Variants in ZYG11A observed in about 807,000 individuals in gnomAD.
The protein encoded by ZYG11A is protein zyg-11 homolog A.
A neutral mutation model predicts 77.2 loss-of-function variants in ZYG11A; 62 were observed. The observed-to-expected ratio is 0.80, with a 90% CI of 0.65 to 0.99. The LOEUF (loss-of-function observed/expected upper bound fraction) is 0.99, where lower values mean the gene tolerates loss of function less well. Ranked by LOEUF, ZYG11A falls within the 50% of genes least tolerant of loss-of-function variation. ZYG11A has a pLI of 0.00. For synonymous variants in ZYG11A, 315 were observed against 324.6 expected (o/e 0.97, Z 0.32); for missense variants, 828 against 896.8 (o/e 0.92, Z 0.98).
chr1:52,874,948 T>C (rs1381738034), intron 8 of ZYG11A, among the ~76,000 whole-genome samples: 1 of 152,256 alleles, frequency 6.6e-6, no homozygotes, highest in Non-Finnish European at 1.5e-5. Flanking sequence ...ACATAGCTTT[T>C]GTATGCAGTG....
chr1:52,884,357 G>A (rs184956441), intron 11 of ZYG11A, among the ~76,000 whole-genome samples: 73 of 152,164 alleles, frequency 4.8e-4, no homozygotes, highest in Admixed American at 1.2e-3. Flanking sequence ...TTAGCTGGGC[G>A]TGGTGGCGGG....
intron 8 of ZYG11A, among the ~76,000 whole-genome samples, chr1:52,868,374 AT>A (rs1482566005): frequency 1.3e-5 from 2 of 152,206 alleles, no homozygotes; most frequent in Non-Finnish European, 2.9e-5. Context: ...TCTCCTACGT[AT>A]CTTTCTACAA....
intron 1 of ZYG11A, among the ~76,000 whole-genome samples, chr1:52,849,972 C>G (rs559497554): frequency 6.6e-6 from 1 of 152,318 alleles, no homozygotes; most frequent in South Asian, 2.1e-4. Flanking sequence ...GCGTGAGCCA[C>G]CACACCTGGC....
intron 8 of ZYG11A, among the ~76,000 whole-genome samples, chr1:52,868,029 C>T (rs1215655345): frequency 8.2e-6 from 1 of 122,178 alleles, no homozygotes; most frequent in Non-Finnish European, 1.6e-5. Flanking sequence ...TGCAGTGGCG[C>T]GATCTCGGCT....
intron 2 of ZYG11A, among the ~76,000 whole-genome samples, chr1:52,856,340 T>G (rs1645809756): frequency 6.6e-6 from 1 of 151,778 alleles, no homozygotes; most frequent in Admixed American, 6.6e-5. Context: ...GTGCAGTGCC[T>G]GTAGTCCCAG....
chr1:52,894,793 T>A lies in ZYG11A; in HGVS notation c.*1836T>A, dbSNP rs192659751. 1 of 152,242 alleles carries A rather than the reference T, an allele frequency of 6.6e-6. No homozygotes were observed. The allele number at this position is 152,242 out of a possible 1,614,324, so 9.4% of individuals were successfully genotyped here. ...TGTATTTTTTCACACTCTTGCATGA[T>A]TCCAAAAGGATATCTTCCTGACCTG... On this transcript the variant is annotated 3_prime_UTR_variant, in exon 14 of 14. Coordinates refer to ENST00000371528, the MANE Select transcript of ZYG11A (RefSeq NM_001004339.3).
At chr1:52,864,434 C>T (rs561938204) in intron 5 of ZYG11A, among the ~76,000 whole-genome samples, 8 of 152,104 alleles carry the variant, frequency 5.3e-5, no homozygotes, top group South Asian at 2.1e-4. Context: ...TTAGTAGAGA[C>T]GGGGTTTCAC....
Position 52,892,947 on chromosome 1 carries a change from T to C in ZYG11A, c.2270T>C (p.Met757Thr). The C allele has an allele frequency of 3.2e-6, 5 of 1,551,768 alleles. No homozygotes were observed. The highest frequency in any genetic ancestry group is 4.4e-6 in the Non-Finnish European group (5 of 1,147,016). ...MNYQRPTLCQ[M>T]PF ...TATCAGAGGCCCACTCTGTGTCAAA[T>C]GCCCTTCTGAACCTAAGGAATTTCA... is the stretch of plus-strand genomic sequence containing the variant. Residue 757 changes from methionine (M) to threonine (T), a missense_variant, in exon 14 of 14, where the codon ATG (methionine) becomes ACG (threonine). By Grantham distance (81) the Met-to-Thr change is moderately conservative (BLOSUM62 -1). Coordinates refer to ENST00000371528, the MANE Select transcript of ZYG11A (RefSeq NM_001004339.3).
intron 11 of ZYG11A, 31 bp from the exon 12 acceptor site, chr1:52,885,802 T>C (rs1329958980): frequency 1.4e-6 from 2 of 1,474,220 alleles, no homozygotes; most frequent in Non-Finnish European, 9.1e-7. Context: ...ATTATTCAAA[T>C]GTTGGTTTCT....
At chr1:52,883,416 G>C (rs1400554299) in intron 11 of ZYG11A, among the ~76,000 whole-genome samples, 1 of 150,736 alleles carries the variant, frequency 6.6e-6, no homozygotes, top group Non-Finnish European at 1.5e-5. Flanking sequence ...GAGCCACCAT[G>C]CCTGGCCAAT....
intron 12 of ZYG11A, 28 bp downstream of exon 12, chr1:52,885,922 CTTT>C: frequency 7.3e-7 from 1 of 1,368,162 alleles, no homozygotes. Flanking sequence ...TGCTTTTCTT[CTTT>C]TTTTTTTCTT....
At chr1:52,861,338 T>C (rs751985270) in intron 4 of ZYG11A, among the ~76,000 whole-genome samples, 8 of 152,214 alleles carry the variant, frequency 5.3e-5, no homozygotes, top group Non-Finnish European at 8.8e-5. Context: ...CTTTTATACA[T>C]GTGTTTATTT....
rs1423186268 is a variant in ZYG11A, at chr1:52,877,734, C to T, written c.1595C>T (p.Thr532Ile). Residue 532 changes from threonine to isoleucine, a missense_variant, in exon 9 of 14, where the codon ACC becomes ATC. Physicochemically the swap from Thr to Ile is moderately conservative, Grantham distance 89. Coordinates refer to ENST00000371528, the MANE Select transcript of ZYG11A (RefSeq NM_001004339.3). ...QKTTENLDDV[T>I]FLFTLKALWN... The stretch of plus-strand genomic sequence containing the variant: ...ACTACTGAGAATTTAGATGATGTCA[C>T]CTTCTTGTTTACTTTGAAAGCACTT... 1.9e-6 allele frequency: 3 copies of T among 1,551,928 alleles called. No individual in the cohort carries two copies. The highest frequency in any genetic ancestry group is 3.9e-5 in the Admixed American group (2 of 50,950).
Position 52,860,814 on chromosome 1 carries a change from C to T in ZYG11A, c.1092C>T (p.Leu364=). ...RNRSCFVKEA[L]HRLFTETFSM... The stretch of plus-strand genomic sequence containing the variant: ...GATCATGTTTTGTGAAGGAAGCCCT[C>T]CACAGGCTGTTCACAGAGACATTTT... The change falls in exon 4 of 14, where the codon CTC becomes CTT. Residue 364 remains leucine, a synonymous_variant. Coordinates refer to ENST00000371528, the MANE Select transcript of ZYG11A (RefSeq NM_001004339.3). 1 of 1,551,498 alleles carries T rather than the reference C, an allele frequency of 6.4e-7. No homozygotes were observed. Among genetic ancestry groups the T allele is most frequent in the South Asian group, 1.2e-5 (1 of 84,062 alleles).
chr1:52,866,480 T>C, intron 5 of ZYG11A, 23 bp from the exon 6 acceptor site: 1 of 1,326,378 alleles, frequency 7.5e-7, no homozygotes, highest in Non-Finnish European at 1.1e-6. Context: ...TGTTCAAAAT[T>C]ATTTTTCTTT....
In ZYG11A at chr1:52,885,484, G is replaced by A. The variant is rs528142332; in HGVS notation, c.1945-349G>A. ...CTCCCAAAGTGCTGGGATTACAGGC[G>A]TGAGCCACTGTGCCCAGCCTGGTTT... On this transcript the variant is annotated intron_variant, in intron 11 of 13. Coordinates refer to ENST00000371528, the MANE Select transcript of ZYG11A (RefSeq NM_001004339.3). Among the ~76,000 whole-genome samples, 93 of 152,064 alleles carry A rather than the reference G, an allele frequency of 6.1e-4. 1 individual carries two copies. Among genetic ancestry groups the A allele is most frequent in the African/African-American group, 2.0e-3 (84 of 41,492 alleles).
At chr1:52,868,372 G>A (rs1270536560) in intron 8 of ZYG11A, among the ~76,000 whole-genome samples, 2 of 152,080 alleles carry the variant, frequency 1.3e-5, no homozygotes, top group Non-Finnish European at 2.9e-5. Context: ...GCTCTCCTAC[G>A]TATCTTTCTA....
Position 52,894,245 on chromosome 1 carries a change from G to C in ZYG11A, c.*1288G>C, listed in dbSNP as rs112284568. On this transcript the variant is annotated 3_prime_UTR_variant, in exon 14 of 14. Transcript: ENST00000371528. ...ACAGTGTTTAGATGAAAGATTACATGTAATGATAAATCTGAATCCCTCCAT... is the reference window on the plus strand; with the variant it reads ...ACAGTGTTTAGATGAAAGATTACATCTAATGATAAATCTGAATCCCTCCAT... 1.3e-5 allele frequency: 2 copies of C among 152,186 alleles called. No homozygotes were observed. The highest frequency in any genetic ancestry group is 2.9e-5 in the Non-Finnish European group (2 of 68,044). The allele number at this position is 152,186 out of a possible 1,614,324, so 9.4% of individuals were successfully genotyped here. A position where few individuals can be genotyped will look rare whatever the true frequency, so the allele number is the denominator to read the frequency against.
At chr1:52,890,002 G>A (rs1009402500) in intron 13 of ZYG11A, among the ~76,000 whole-genome samples, 37 of 149,548 alleles carry the variant, frequency 2.5e-4, no homozygotes, top group African/African-American at 9.3e-4. Context: ...CGTGAGCCAC[G>A]GCGCCTGGCC....
Sources: allele counts gnomAD v4.1 joint callset (sites outside exome capture counted in the v4.1 genomes callset), GRCh38; gene constraint gnomAD v4.1.1; transcripts MANE v1.5; gene names NCBI Gene and HGNC (gene_info 2026-07-23, HGNC 2026-07-21).